The following WDPCP variants were observed in gnomAD, a reference collection of about 807,000 sequenced individuals.
WDPCP encodes the protein WD repeat-containing and planar cell polarity effector protein fritz homolog.
Under a neutral mutation model 93.1 loss-of-function variants are expected in WDPCP, and 71 were observed. The ratio of observed to expected loss-of-function variants is 0.76; its 90% CI spans 0.63 to 0.93. WDPCP has a LOEUF of 0.93. WDPCP is among the 40% of genes least tolerant of loss of function. The probability of loss-of-function intolerance (pLI) is 0.00; values close to 1 mark genes in which losing one functional copy is unlikely to be tolerated. For missense variants in WDPCP, 844 were observed against 887.4 expected (o/e 0.95, Z 0.62); for synonymous variants, 315 against 315.0 (o/e 1.00, Z 0.00).
chr2:63,350,470 G>A (rs1387225923), intron 12 of WDPCP, among the ~76,000 whole-genome samples: 4 of 103,298 alleles, frequency 3.9e-5, no homozygotes, highest in Non-Finnish European at 8.2e-5. Flanking sequence ...GAAAATCAAC[G>A]AAACCCAAAA....
intron 9 of WDPCP, among the ~76,000 whole-genome samples, chr2:63,428,235 C>T (rs544844183): frequency 2.7e-5 from 4 of 150,728 alleles, no homozygotes; most frequent in East Asian, 1.9e-4. Context: ...ACTCATTCTA[C>T]GAAGCCAGCA....
intron 13 of WDPCP, among the ~76,000 whole-genome samples, chr2:63,302,301 T>C (rs1282420018): frequency 6.6e-6 from 1 of 152,128 alleles, no homozygotes; most frequent in African/African-American, 2.4e-5. Flanking sequence ...ATGAGCAATA[T>C]GTCTCCTATA....
chr2:63,659,601 G>A (rs1357248368), intron 2 of WDPCP, among the ~76,000 whole-genome samples: 2 of 152,216 alleles, frequency 1.3e-5, no homozygotes, highest in African/African-American at 2.4e-5. Context: ...GAAGAAGCAA[G>A]CTATGGATTC....
At chr2:63,448,414 C>A (rs1698004409) in intron 6 of WDPCP, among the ~76,000 whole-genome samples, 1 of 147,388 alleles carries the variant, frequency 6.8e-6, no homozygotes, top group Non-Finnish European at 1.5e-5. Flanking sequence ...AACCATGCTA[C>A]CTGAGTTAAT....
chr2:63,395,580 T>C (rs1312129044), intron 10 of WDPCP, among the ~76,000 whole-genome samples: 2 of 152,118 alleles, frequency 1.3e-5, no homozygotes, highest in Non-Finnish European at 2.9e-5. Context: ...TCTATAATAA[T>C]GGAAAGCGTA....
chr2:63,793,102 G>A (rs2104007935), intron 2 of WDPCP, among the ~76,000 whole-genome samples: 1 of 152,050 alleles, frequency 6.6e-6, no homozygotes. Flanking sequence ...AAGTCTTTCA[G>A]TTTGAGCTTC....
intron 2 of WDPCP, among the ~76,000 whole-genome samples, chr2:63,669,014 G>A (rs1329588193): frequency 1.3e-5 from 2 of 152,152 alleles, no homozygotes; most frequent in Non-Finnish European, 2.9e-5. Flanking sequence ...CAACAGCACC[G>A]AGTTACACAA....
chr2:63,478,204 A>G (rs1700075478), intron 6 of WDPCP, among the ~76,000 whole-genome samples: 1 of 152,138 alleles, frequency 6.6e-6, no homozygotes, highest in Non-Finnish European at 1.5e-5. Context: ...TCACTATTCG[A>G]CCTAAGAAAT....
At chr2:63,497,734 AT>A in intron 1 of WDPCP, among the ~76,000 whole-genome samples, 1 of 152,212 alleles carries the variant, frequency 6.6e-6, no homozygotes, top group Non-Finnish European at 1.5e-5. Flanking sequence ...GTTAAAAAGA[AT>A]GCTGGTAATT....
rs796918573 is a variant in WDPCP, at chr2:63,575,369, A to G, written c.75+12828T>C. Among the ~76,000 whole-genome samples the G allele has an allele frequency of 3.7e-4, 44 of 118,134 alleles. 2 individuals carry two copies. The highest frequency in any genetic ancestry group is 8.3e-4 in the Admixed American group (9 of 10,856). 77.5% of individuals were successfully genotyped at this position (118,134 alleles called of 152,430 possible). A position where few individuals can be genotyped will look rare whatever the true frequency, so the allele number is the denominator to read the frequency against. On this transcript the variant is annotated intron_variant, in intron 1 of 17. Coordinates refer to ENST00000272321, the MANE Select transcript of WDPCP (RefSeq NM_015910.7). ...TGTATATGGTATATACAGTATATAC[A>G]GTATATACAGTATATACACGGTATA...
intron 2 of WDPCP, among the ~76,000 whole-genome samples, chr2:63,696,260 C>T (rs1020189691): frequency 1.2e-4 from 18 of 152,180 alleles, no homozygotes; most frequent in East Asian, 3.9e-4. Context: ...GACACACTCC[C>T]GCATGCACAT....
chr2:63,204,840 A>G (rs889743053), intron 14 of WDPCP, among the ~76,000 whole-genome samples: 4 of 152,082 alleles, frequency 2.6e-5, no homozygotes, highest in African/African-American at 9.6e-5. Flanking sequence ...TGCTGGGTAG[A>G]AGCTTTTAAA....
At chr2:63,322,231 C>G (rs958038539) in intron 12 of WDPCP, among the ~76,000 whole-genome samples, 2 of 152,208 alleles carry the variant, frequency 1.3e-5, no homozygotes, top group Non-Finnish European at 2.9e-5. Context: ...TCAAAATGGA[C>G]CAATCAGCTC....
upstream of WDPCP, among the ~76,000 whole-genome samples, chr2:63,829,743 G>C (rs2104165651): frequency 1.3e-5 from 2 of 151,976 alleles, no homozygotes; most frequent in Middle Eastern, 6.8e-3. Context: ...GTTGATATTT[G>C]TATTATTTGC....
intron 14 of WDPCP, among the ~76,000 whole-genome samples, chr2:63,215,939 A>G (rs1303979861): frequency 2.6e-5 from 4 of 152,280 alleles, no homozygotes; most frequent in African/African-American, 7.2e-5. Flanking sequence ...TTATGCAGCC[A>G]AAAGACACAT....
At chr2:63,553,334 T>C (rs1013364088) in intron 1 of WDPCP, among the ~76,000 whole-genome samples, 1 of 152,214 alleles carries the variant, frequency 6.6e-6, no homozygotes, top group African/African-American at 2.4e-5. Flanking sequence ...CCGCCCATCC[T>C]CCCGATCCTG....
intron 1 of WDPCP, among the ~76,000 whole-genome samples, chr2:63,526,659 T>C (rs990635769): frequency 2.6e-5 from 4 of 152,244 alleles, no homozygotes; most frequent in African/African-American, 7.2e-5. Context: ...TGTTCTTTTA[T>C]GTAGAAATCT....
At chr2:63,800,791 G>T (rs1370709531) in intron 2 of WDPCP, among the ~76,000 whole-genome samples, 1 of 152,116 alleles carries the variant, frequency 6.6e-6, no homozygotes, top group African/African-American at 2.4e-5. Flanking sequence ...CATGGCTCAC[G>T]CCTGTAATCC....
At chr2:63,622,379 G>A (rs1386106694) in intron 3 of WDPCP, 1 of 1,610,116 alleles carries the variant, frequency 6.2e-7, no homozygotes, top group Non-Finnish European at 8.5e-7. Context: ...CGTTGCTTTT[G>A]AACTGGGCAA....
Sources: gnomAD v4.1 joint callset for allele counts (sites outside exome capture counted in the v4.1 genomes callset) on GRCh38, gnomAD v4.1.1 for gene constraint, MANE v1.5 for transcripts, NCBI Gene and HGNC (gene_info 2026-07-23, HGNC 2026-07-21) for gene names.